SAMD4A: variants seen among roughly 807,000 people sequenced by gnomAD.
SAMD4A encodes sterile alpha motif domain containing 4A.
SAMD4A carries 33 observed loss-of-function variants against 81.3 expected under a neutral mutation model. That is an observed-to-expected ratio of 0.41 (90% CI 0.31 to 0.54). SAMD4A has a LOEUF of 0.54. SAMD4A is among the 20% of genes least tolerant of loss of function. SAMD4A has a pLI of 0.37. For synonymous variants in SAMD4A, 389 were observed against 382.1 expected, an observed-to-expected ratio of 1.02 and a Z score of -0.21; for missense variants, 854 against 951.1, an observed-to-expected ratio of 0.90 and a Z score of 1.34.
intron 2 of SAMD4A, among the ~76,000 whole-genome samples, chr14:54,573,972 T>C (rs2033210263): frequency 6.6e-6 from 1 of 152,240 alleles, no homozygotes; most frequent in Non-Finnish European, 1.5e-5. Context: ...ACAGCTTTCT[T>C]GTCTTAGTTT....
At chr14:54,776,624 G>T in intron 11 of SAMD4A, 84 bp downstream of exon 11, 1 of 1,364,600 alleles carries the variant, frequency 7.3e-7, no homozygotes. Flanking sequence ...AAAGTGCTTA[G>T]CCTCGACTGT....
At chr14:54,741,479 T>A (rs1359634774) in intron 4 of SAMD4A, among the ~76,000 whole-genome samples, 1 of 152,226 alleles carries the variant, frequency 6.6e-6, no homozygotes. Context: ...GTTACTTTTG[T>A]CCTCATTCAA....
rs1207970819 is a variant in SAMD4A, at chr14:54,567,209, C to A, written c.-551C>A. The A allele has an allele frequency of 1.3e-5, 2 of 152,256 alleles. No individual in the cohort carries two copies. Among genetic ancestry groups the A allele is most frequent in the African/African-American group, 4.8e-5 (2 of 41,462 alleles). The allele number at this position is 152,256 out of a possible 1,614,324, so 9.4% of individuals were successfully genotyped here. The stretch of plus-strand genomic sequence containing the variant: ...TTAAGCACGGCGCCCGAGGCCACCC[C>A]AGGCGGGCCGTGAGGGGAGCACCAG... On this transcript the variant is annotated 5_prime_UTR_variant, in exon 1 of 13. Coordinates refer to ENST00000554335, the MANE Select transcript of SAMD4A (RefSeq NM_015589.6).
chr14:54,752,599 C>T (rs768427493), intron 6 of SAMD4A, among the ~76,000 whole-genome samples: 20 of 152,184 alleles, frequency 1.3e-4, no homozygotes, highest in South Asian at 2.1e-4. Flanking sequence ...TGTATAATTT[C>T]GTATATGAAG....
intron 9 of SAMD4A, among the ~76,000 whole-genome samples, chr14:54,772,720 G>A (rs117526395): frequency 0.027 from 4,152 of 152,068 alleles, 78 homozygotes; most frequent in Middle Eastern, 0.054. Context: ...CGCTATCCAC[G>A]CTAAATAAGG....
At chr14:54,614,092 A>C (rs1363492939) in intron 2 of SAMD4A, among the ~76,000 whole-genome samples, 2 of 152,240 alleles carry the variant, frequency 1.3e-5, no homozygotes, top group African/African-American at 4.8e-5. Flanking sequence ...TTTAAAGAGC[A>C]TATCCTAACA....
At chr14:54,589,433 ACCATTC>A (rs2033715534) in intron 2 of SAMD4A, among the ~76,000 whole-genome samples, 1 of 151,990 alleles carries the variant, frequency 6.6e-6, no homozygotes, top group Non-Finnish European at 1.5e-5. Context: ...TTTTTTTTGG[ACCATTC>A]TGCCTCAAGT....
chr14:54,728,093 A>G (rs940434554), intron 3 of SAMD4A, among the ~76,000 whole-genome samples: 1 of 152,070 alleles, frequency 6.6e-6, no homozygotes, highest in Admixed American at 6.6e-5. Context: ...TATGCCAGGA[A>G]CCTCGAGCTT....
At chr14:54,652,808 C>T (rs2035434167) in intron 2 of SAMD4A, 1 of 152,178 alleles carries the variant, frequency 6.6e-6, no homozygotes, top group African/African-American at 2.4e-5. Flanking sequence ...CATGGAGACA[C>T]AGCTGGCAAG....
chr14:54,644,990 A>G (rs1389797671), intron 2 of SAMD4A, among the ~76,000 whole-genome samples: 2 of 152,212 alleles, frequency 1.3e-5, no homozygotes, highest in Non-Finnish European at 2.9e-5. Flanking sequence ...AAAAATAGTT[A>G]TCTGAAATGG....
At chr14:54,565,957 G>A (rs1246442251), upstream of SAMD4A, among the ~76,000 whole-genome samples, 2 of 151,084 alleles carry the variant, frequency 1.3e-5, no homozygotes, top group Non-Finnish European at 3.0e-5. The surrounding 1 kb of genome is among the most constrained non-coding windows in gnomAD (Gnocchi z 5.4). Context: ...CCCGCCCTGC[G>A]CCGGGTCCGG....
chr14:54,571,273 G>A (rs1203124943), intron 2 of SAMD4A, among the ~76,000 whole-genome samples: 1 of 152,134 alleles, frequency 6.6e-6, no homozygotes, highest in Non-Finnish European at 1.5e-5. Flanking sequence ...GGATTTATTT[G>A]TATGTGTTTT....
chr14:54,589,691 T>C (rs539371003), intron 2 of SAMD4A, among the ~76,000 whole-genome samples: 1 of 152,372 alleles, frequency 6.6e-6, no homozygotes, highest in African/African-American at 2.4e-5. Context: ...AGAGTCCAGC[T>C]GTATACAAGA....
chr14:54,712,258 A>G (rs554298198), intron 3 of SAMD4A, among the ~76,000 whole-genome samples: 1 of 149,060 alleles, frequency 6.7e-6, no homozygotes, highest in East Asian at 2.0e-4. Context: ...GCCTTTTACC[A>G]GCAGACTTTC....
At chr14:54,609,752 T>C (rs2034308323) in intron 2 of SAMD4A, among the ~76,000 whole-genome samples, 2 of 152,246 alleles carry the variant, frequency 1.3e-5, no homozygotes, top group African/African-American at 4.8e-5. Context: ...CCTTCTTGAC[T>C]GTCGAAAAAA....
At chr14:54,590,721 C>A (rs1319991952) in intron 2 of SAMD4A, among the ~76,000 whole-genome samples, 1 of 152,128 alleles carries the variant, frequency 6.6e-6, no homozygotes. Flanking sequence ...GGCATAAAAA[C>A]CCAGATGTGC....
At chr14:54,570,388 G>A (rs1300509112) in intron 2 of SAMD4A, among the ~76,000 whole-genome samples, 1 of 152,188 alleles carries the variant, frequency 6.6e-6, no homozygotes, top group East Asian at 1.9e-4. Flanking sequence ...AAGTCCAAGA[G>A]AATATTTCAG....
chr14:54,733,542 T>A (rs540103861), intron 3 of SAMD4A, among the ~76,000 whole-genome samples: 1 of 152,318 alleles, frequency 6.6e-6, no homozygotes, highest in South Asian at 2.1e-4. Flanking sequence ...CACACTATTA[T>A]GAAAGTCACA....
At chr14:54,703,946 C>T (rs1243617140) in intron 3 of SAMD4A, 5 of 152,130 alleles carry the variant, frequency 3.3e-5, no homozygotes, top group Non-Finnish European at 7.4e-5. Flanking sequence ...TACCAGGACT[C>T]TTTAAATGGC....
Sources: gnomAD v4.1 joint callset for allele counts (sites outside exome capture counted in the v4.1 genomes callset) on GRCh38, gnomAD v4.1.1 for gene constraint, Gnocchi (gnomAD v3.1) non-coding constraint, MANE v1.5 for transcripts, NCBI Gene and HGNC (gene_info 2026-07-23, HGNC 2026-07-21) for gene names.